Variants in CYLD observed in about 807,000 individuals in gnomAD.
CYLD encodes the protein CYLD lysine 63 deubiquitinase.
A neutral mutation model predicts 104.5 loss-of-function variants in CYLD; 26 were observed. The observed-to-expected ratio is 0.25, with a 90% CI of 0.18 to 0.35. The LOEUF (loss-of-function observed/expected upper bound fraction) is 0.35, where lower values mean the gene tolerates loss of function less well. Ranked by LOEUF, CYLD falls within the 10% of genes least tolerant of loss-of-function variation. The pLI, the probability that CYLD is intolerant of heterozygous loss-of-function variation, is 1.00. For missense variants in CYLD, 703 were observed against 1,136.1 expected (o/e 0.62, Z 5.48); for synonymous variants, 385 against 399.9 (o/e 0.96, Z 0.45).
At chr16:50,777,597 T>A (rs1969815807) in intron 7 of CYLD, among the ~76,000 whole-genome samples, 1 of 152,108 alleles carries the variant, frequency 6.6e-6, no homozygotes, top group African/African-American at 2.4e-5. Flanking sequence ...CTTACTCCTG[T>A]TTCCCTCCTA....
In CYLD at chr16:50,798,963, C is replaced by T. The variant is rs1597104364; in HGVS notation, c.*2455C>T. The T allele has an allele frequency of 4.3e-6, 1 of 233,358 alleles. No individual in the cohort carries two copies. Among genetic ancestry groups the T allele is most frequent in the African/African-American group, 2.2e-5 (1 of 45,348 alleles). The allele number at this position is 233,358 out of a possible 1,614,324, so 14.5% of individuals were successfully genotyped here. A position where few individuals can be genotyped will look rare whatever the true frequency, so the allele number is the denominator to read the frequency against. Reference sequence around the variant, plus strand: ...GTCATGAGGCAGCAGGAAGGTTTCCCCTGCACCTGTCTGTCCTGGCTCCCT... The same window carrying T: ...GTCATGAGGCAGCAGGAAGGTTTCCTCTGCACCTGTCTGTCCTGGCTCCCT... On this transcript the variant is annotated 3_prime_UTR_variant, in exon 19 of 19. Coordinates refer to ENST00000427738, the MANE Select transcript of CYLD (RefSeq NM_001378743.1).
chr16:50,774,474 A>G (rs979664156), intron 5 of CYLD, among the ~76,000 whole-genome samples: 2 of 152,242 alleles, frequency 1.3e-5, no homozygotes, highest in African/African-American at 4.8e-5. Flanking sequence ...GAAAACAATA[A>G]TCAGAGAAGA....
chr16:50,787,729 A>T, intron 13 of CYLD, 57 bp from the exon 14 acceptor site: 2 of 938,630 alleles, frequency 2.1e-6, no homozygotes, highest in Non-Finnish European at 3.4e-6. Flanking sequence ...GAAATGAAAA[A>T]TAAAATGATT....
chr16:50,767,286 T>C (rs551176757), intron 5 of CYLD, among the ~76,000 whole-genome samples: 16 of 152,316 alleles, frequency 1.1e-4, no homozygotes, highest in Admixed American at 7.8e-4. Context: ...TTATTTTCAA[T>C]AACATAATGG....
chr16:50,770,879 A>G (rs973165665), intron 5 of CYLD, among the ~76,000 whole-genome samples: 2 of 152,188 alleles, frequency 1.3e-5, no homozygotes, highest in South Asian at 2.1e-4. Flanking sequence ...TTTGTTCAAT[A>G]TATGGTTTGC....
At chr16:50,754,237 G>T (rs1966840092) in intron 4 of CYLD, 82 bp from the exon 5 acceptor site, 3 of 891,374 alleles carry the variant, frequency 3.4e-6, no homozygotes, top group Non-Finnish European at 5.6e-6. Flanking sequence ...AAAATATTTT[G>T]GAGGATTCTT....
At chr16:50,787,745 AT>A (rs1757344493) in intron 13 of CYLD, 40 bp from the exon 14 acceptor site, 2 of 1,114,224 alleles carry the variant, frequency 1.8e-6, no homozygotes, top group Non-Finnish European at 1.3e-6. Flanking sequence ...TGATTTAAAA[AT>A]TTTGCCTGTG....
chr16:50,789,093 T>C (rs1597079316), intron 14 of CYLD, among the ~76,000 whole-genome samples: 1 of 152,340 alleles, frequency 6.6e-6, no homozygotes, highest in East Asian at 1.9e-4. Flanking sequence ...ATTTCTATTA[T>C]AAGCTACGAA....
rs1195375690 is a variant in CYLD, at chr16:50,800,845, A to T, written c.*4337A>T. The T allele has an allele frequency of 4.3e-6, 1 of 233,260 alleles. No individual in the cohort carries two copies. Among genetic ancestry groups the T allele is most frequent in the Non-Finnish European group, 8.5e-6 (1 of 118,034 alleles). 14.4% of individuals were successfully genotyped at this position (233,260 alleles called of 1,614,324 possible). A position where few individuals can be genotyped will look rare whatever the true frequency, so the allele number is the denominator to read the frequency against. On this transcript the variant is annotated 3_prime_UTR_variant, in exon 19 of 19. Transcript: ENST00000427738. ...GGTTTGGTGCAATTCTCCATTAATG[A>T]AGATAACATTTGAATTCCCCAAAGC...
chr16:50,787,006 T>G (rs1295484121), intron 13 of CYLD, 60 bp downstream of exon 13: 11 of 1,357,534 alleles, frequency 8.1e-6, no homozygotes, highest in Non-Finnish European at 1.2e-5. Context: ...CATGTCAAAG[T>G]ATTAGCTGAA....
intron 5 of CYLD, among the ~76,000 whole-genome samples, chr16:50,761,746 A>ATATCTATC (rs58093805): frequency 0.11 from 15,804 of 149,834 alleles, 1,095 homozygotes; most frequent in Non-Finnish European, 0.16. Context: ...ACATATCTCT[A>ATATCTATC]TATCTATCTA....
chr16:50,751,962 A>ATG, intron 4 of CYLD, 56 bp downstream of exon 4: 2 of 561,006 alleles, frequency 3.6e-6, no homozygotes, highest in South Asian at 4.4e-5. Flanking sequence ...TTATATATAT[A>ATG]TGTATATATA....
intron 7 of CYLD, among the ~76,000 whole-genome samples, chr16:50,776,620 T>C (rs550227138): frequency 8.5e-5 from 13 of 152,340 alleles, no homozygotes; most frequent in African/African-American, 2.9e-4. Context: ...TAGGATAAAG[T>C]ATACTAGAGG....
In CYLD at chr16:50,749,926, G is replaced by C. The variant is rs746359805; in HGVS notation, c.228G>C (p.Glu76Asp). ...ATCAGATTGGATTAAAAATTCTAGA[G>C]CAACCTCATGCAGTTCTCTTTGTTG... ...KKNQIGLKIL[E>D]QPHAVLFVDE... The change falls in exon 3 of 19, where the codon GAG (glutamate) becomes GAC (aspartate). Residue 76 changes from glutamate to aspartate, a missense_variant. By Grantham distance (45) the Glu-to-Asp change is conservative (BLOSUM62 2). Coordinates refer to ENST00000427738, the MANE Select transcript of CYLD (RefSeq NM_001378743.1). 1.2e-6 allele frequency: 2 copies of C among 1,613,990 alleles called. No individual in the cohort carries two copies. Among genetic ancestry groups the C allele is most frequent in the Admixed American group, 3.3e-5 (2 of 59,996 alleles).
At chr16:50,756,000 AT>A (rs1438636742) in intron 5 of CYLD, among the ~76,000 whole-genome samples, 1 of 152,152 alleles carries the variant, frequency 6.6e-6, no homozygotes, top group Non-Finnish European at 1.5e-5. Flanking sequence ...CAGGTCTTAG[AT>A]TTAAGTCTTT....
rs1336431242 is a variant in CYLD, at chr16:50,742,887, G to T, written c.-124+46G>T. 6 of 396,654 alleles carry T rather than the reference G, an allele frequency of 1.5e-5. No individual in the cohort carries two copies. The East Asian group carries it at 2.2e-4, about 14-fold the overall frequency. 24.6% of individuals were successfully genotyped at this position (396,654 alleles called of 1,614,324 possible). A position where few individuals can be genotyped will look rare whatever the true frequency, so the allele number is the denominator to read the frequency against. ...TCTTTCATGTTAACAATCGAGGGGGGTGGGGGGCGAATGGGGGGCGGGGGC... is the reference window on the plus strand; with the variant it reads ...TCTTTCATGTTAACAATCGAGGGGGTTGGGGGGCGAATGGGGGGCGGGGGC... On this transcript the variant is annotated intron_variant, in intron 2 of 18. Coordinates refer to ENST00000427738, the MANE Select transcript of CYLD (RefSeq NM_001378743.1).
At position 50,794,609 on chromosome 16, in the gene CYLD, AAT is replaced by A; in HGVS notation, c.2686+184_2686+185del. ...AACCTTGCTAGCTGAACTAAGGAAT[AAT>A]ATGCTGTGTTTTTTTTTTTCCTTTT... On this transcript the variant is annotated intron_variant, in intron 18 of 18. Transcript: ENST00000427738. This position sits in a 1 kb window ranked among gnomAD's most constrained non-coding sequence, Gnocchi z 4.1. 1.5e-6 allele frequency: 1 copy of A among 656,738 alleles called. No homozygotes were observed. Among genetic ancestry groups the A allele is most frequent in the African/African-American group, 2.0e-5 (1 of 49,028 alleles). 40.7% of individuals were successfully genotyped at this position (656,738 alleles called of 1,614,324 possible). A position where few individuals can be genotyped will look rare whatever the true frequency, so the allele number is the denominator to read the frequency against.
chr16:50,755,663 A>G (rs1377615301), intron 5 of CYLD, among the ~76,000 whole-genome samples: 1 of 152,028 alleles, frequency 6.6e-6, no homozygotes. Context: ...CTTGTTGGCT[A>G]TTTGTATATC....
At chr16:50,760,912 A>G (rs1028668862) in intron 5 of CYLD, among the ~76,000 whole-genome samples, 2 of 152,234 alleles carry the variant, frequency 1.3e-5, no homozygotes, top group African/African-American at 4.8e-5. Context: ...TCCTGCCAGT[A>G]GAATACAAGG....
Sources: gnomAD v4.1 joint callset for allele counts (sites outside exome capture counted in the v4.1 genomes callset) on GRCh38, gnomAD v4.1.1 for gene constraint, Gnocchi (gnomAD v3.1) non-coding constraint, MANE v1.5 for transcripts, NCBI Gene and HGNC (gene_info 2026-07-23, HGNC 2026-07-21) for gene names.